PROCA1: variants seen among roughly 807,000 people sequenced by gnomAD.
PROCA1 encodes protein PROCA1.
PROCA1 carries 22 observed loss-of-function variants against 23.2 expected under a neutral mutation model. The ratio of observed to expected loss-of-function variants is 0.95; its 90% confidence interval spans 0.68 to 1.35. The LOEUF (loss-of-function observed/expected upper bound fraction) is 1.35, where lower values mean the gene tolerates loss of function less well. PROCA1 is among the 40% of genes most tolerant of loss of function. The pLI is 0.00. For missense variants in PROCA1, 469 were observed against 459.8 expected (o/e 1.02, Z -0.18); for synonymous variants, 182 against 179.2 (o/e 1.02, Z -0.12).
chr17:28,704,158 A>G lies in PROCA1; in HGVS notation c.495T>C (p.His165=), dbSNP rs540856607. 5.2e-6 allele frequency: 8 copies of G among 1,545,892 alleles called. No individual in the cohort carries two copies. The African/African-American group carries it at 8.3e-5, about 16-fold the overall frequency. The change falls in exon 5 of 5, where the codon CAT becomes CAC. Residue 165 remains histidine, a synonymous_variant. Transcript: ENST00000682792. ...SVAVIHHPLY[H]ECGADDLNEE... ...CATTTAGATCATCTGCCCCACACTC[A>G]TGGTAGAGTGGATGGTGGATCACTG...
At chr17:28,710,950 G>GGCACCAGA in intron 1 of PROCA1, 1 of 1,232,618 alleles carries the variant, frequency 8.1e-7, no homozygotes, top group Non-Finnish European at 1.1e-6. Context: ...ACTGGGGGTG[G>GGCACCAGA]GCACCAGAGC....
In PROCA1 at chr17:28,704,788, G is replaced by A; in HGVS notation, c.231C>T (p.His77=). The A allele has an allele frequency of 6.2e-7, 1 of 1,613,884 alleles. No homozygotes were observed. Among genetic ancestry groups the A allele is most frequent in the Non-Finnish European group, 8.5e-7 (1 of 1,179,998 alleles). The change falls in exon 3 of 5, where the codon CAC becomes CAT. Residue 77 remains histidine, a synonymous_variant. Coordinates refer to ENST00000682792, the MANE Select transcript of PROCA1 (RefSeq NM_001366301.1). ...AGTCAGAGGCGAAAGGGTAGATGAT[G>A]TGCCCAGTGCACTGCTTGTGTCTCC... ...CCWRHKQCTG[H]IIYPFASDCV...
At chr17:28,710,399 C>G (rs575246788) in intron 1 of PROCA1, among the ~76,000 whole-genome samples, 1 of 150,824 alleles carries the variant, frequency 6.6e-6, no homozygotes, top group Non-Finnish European at 1.5e-5. Context: ...CCCAGCTACT[C>G]AGGAGGCTGA....
intron 2 of PROCA1, 136 bp from the exon 3 acceptor site, chr17:28,704,979 A>G (rs1409783112): frequency 6.2e-6 from 5 of 800,314 alleles, no homozygotes; most frequent in Non-Finnish European, 9.8e-6. Flanking sequence ...CTTCAGTAGT[A>G]GTAACTTGGC....
chr17:28,706,411 A>C, intron 2 of PROCA1: 1 of 217,660 alleles, frequency 4.6e-6, no homozygotes, highest in South Asian at 6.4e-5. Flanking sequence ...GATGGTGGTC[A>C]TACCAATTTT....
intron 3 of PROCA1, 135 bp from the exon 4 acceptor site, chr17:28,704,570 A>G (rs1334907041): frequency 1.2e-5 from 18 of 1,552,562 alleles, no homozygotes; most frequent in Non-Finnish European, 1.6e-5. Flanking sequence ...CTTAGAGCAG[A>G]GCAAGGTGTG....
Position 28,711,735 on chromosome 17 carries a change from C to T in PROCA1, c.-75G>A. 5 of 1,357,682 alleles carry T rather than the reference C, an allele frequency of 3.7e-6. No individual in the cohort carries two copies. Among genetic ancestry groups the T allele is most frequent in the Non-Finnish European group, 5.0e-6 (5 of 994,736 alleles). The allele number at this position is 1,357,682 out of a possible 1,614,324, so 84.1% of individuals were successfully genotyped here. On this transcript the variant is annotated 5_prime_UTR_variant, in exon 1 of 5. Coordinates refer to ENST00000682792, the MANE Select transcript of PROCA1 (RefSeq NM_001366301.1). ...ACCCTGAGCCTCAGCCCGGCCGAGCCCTCGGCCCAGCCGTGAACTCCAGTC... is the reference window on the plus strand; with the variant it reads ...ACCCTGAGCCTCAGCCCGGCCGAGCTCTCGGCCCAGCCGTGAACTCCAGTC...
intron 1 of PROCA1, among the ~76,000 whole-genome samples, chr17:28,709,491 G>A (rs930078788): frequency 9.2e-5 from 14 of 151,794 alleles, no homozygotes; most frequent in African/African-American, 3.4e-4. Flanking sequence ...TCCTGACCTC[G>A]TGATCCGCCC....
chr17:28,711,751 A>G lies in PROCA1; in HGVS notation c.-91T>C, dbSNP rs140056460. The G allele has an allele frequency of 0.012, 13,932 of 1,162,392 alleles. 112 individuals are homozygous for G. Among genetic ancestry groups the G allele is most frequent in the Non-Finnish European group, 0.015 (12,836 of 839,512 alleles). The allele number at this position is 1,162,392 out of a possible 1,614,324, so 72.0% of individuals were successfully genotyped here. A position where few individuals can be genotyped will look rare whatever the true frequency, so the allele number is the denominator to read the frequency against. On this transcript the variant is annotated 5_prime_UTR_variant, in exon 1 of 5. Coordinates refer to ENST00000682792, the MANE Select transcript of PROCA1 (RefSeq NM_001366301.1). The stretch of plus-strand genomic sequence containing the variant: ...CGGCCGAGCCCTCGGCCCAGCCGTG[A>G]ACTCCAGTCTCGGCTTCGCCCCCGC...
chr17:28,706,764 CTG>C lies in PROCA1; in HGVS notation c.92-3_92-2del. ...TCCCAGCTGGGTAACCTGTTTACAT[CTG>C]AGAGAGCATAGAGTGGCAGTGGTGG... On this transcript the variant is annotated splice_acceptor_variant and splice_polypyrimidine_tract_variant and intron_variant, in intron 1 of 4. Coordinates refer to ENST00000682792, the MANE Select transcript of PROCA1 (RefSeq NM_001366301.1). LOFTEE classifies it high-confidence loss of function. 7.7e-7 allele frequency: 1 copy of C among 1,303,624 alleles called. No homozygotes were observed. The highest frequency in any genetic ancestry group is 1.2e-5 in the South Asian group (1 of 81,016). The allele number at this position is 1,303,624 out of a possible 1,614,324, so 80.8% of individuals were successfully genotyped here. A position where few individuals can be genotyped will look rare whatever the true frequency, so the allele number is the denominator to read the frequency against.
At chr17:28,711,460 T>C in intron 1 of PROCA1, 110 bp downstream of exon 1, 1 of 894,618 alleles carries the variant, frequency 1.1e-6, no homozygotes, top group Non-Finnish European at 1.6e-6. Flanking sequence ...CCCGCCTCTC[T>C]CGTTGGTTTG....
At chr17:28,711,217 CGGGCTCCAGCCAAGGCCGGCGCTTCAA>C in intron 1 of PROCA1, 1 of 1,091,176 alleles carries the variant, frequency 9.2e-7, no homozygotes, top group East Asian at 4.9e-5. Flanking sequence ...CGCTGGTCCA[CGGGCTCCAGCCAAGGCCGGCGCTTCAA>C]GGGCAGCGGC....
At chr17:28,711,287 G>A (rs1382471873) in intron 1 of PROCA1, 1 of 602,976 alleles carries the variant, frequency 1.7e-6, no homozygotes, top group African/African-American at 1.9e-5. Flanking sequence ...CGATAGCCGA[G>A]CGTTCCAGCT....
rs2032270784 is a variant in PROCA1 at position 28,703,888 on chromosome 17, C to T, written c.765G>A (p.Leu255=). 6.2e-7 allele frequency: 1 copy of T among 1,614,074 alleles called. No individual in the cohort carries two copies. Residue 255 remains leucine (L), a synonymous_variant, in exon 5 of 5, where the codon CTG becomes CTA. Transcript: ENST00000682792. ...DKEEMDEKAK[L]KKKAKKGQLT... ...ACTGGCCTTTCTTGGCTTTTTTCTT[C>T]AGCTTTGCCTTCTCATCCATCTCCT...
intron 3 of PROCA1, 105 bp downstream of exon 3, chr17:28,704,603 G>C: frequency 6.4e-7 from 1 of 1,570,092 alleles, no homozygotes. Context: ...TGGGCTGGCA[G>C]CACCAATTCA....
At chr17:28,709,065 T>C (rs1187466019) in intron 1 of PROCA1, among the ~76,000 whole-genome samples, 1 of 152,122 alleles carries the variant, frequency 6.6e-6, no homozygotes, top group African/African-American at 2.4e-5. Flanking sequence ...ACACAGAAAC[T>C]CAGAGAGGAT....
At chr17:28,707,050 G>A (rs569088248) in intron 1 of PROCA1, 22 of 331,016 alleles carry the variant, frequency 6.6e-5, no homozygotes, top group Non-Finnish European at 1.0e-4. Context: ...CACCTACCAG[G>A]ACTGGAAAGG....
chr17:28,710,217 G>C (rs1179999050), intron 1 of PROCA1, among the ~76,000 whole-genome samples: 1 of 151,942 alleles, frequency 6.6e-6, no homozygotes, highest in Admixed American at 6.6e-5. Flanking sequence ...AGACACACAT[G>C]GCCAGGCGCG....
intron 1 of PROCA1, 22 bp downstream of exon 1, chr17:28,711,548 G>T: frequency 1.3e-6 from 2 of 1,596,894 alleles, no homozygotes; most frequent in South Asian, 1.1e-5. Context: ...CCTCTGCCCA[G>T]CCCCTGCCCC....
Sources: allele counts gnomAD v4.1 joint callset (sites outside exome capture counted in the v4.1 genomes callset), GRCh38; gene constraint gnomAD v4.1.1; transcripts MANE v1.5; gene names NCBI Gene and HGNC (gene_info 2026-07-23, HGNC 2026-07-21).